The following DENND3 variants were observed in gnomAD, a reference collection of about 807,000 sequenced individuals.
DENND3 encodes DENN domain-containing protein 3.
Under a neutral mutation model 135.1 loss-of-function variants are expected in DENND3, and 88 were observed. The observed-to-expected ratio is 0.65, with a 90% CI of 0.55 to 0.78. The LOEUF is 0.78. Ranked by LOEUF, DENND3 falls within the 30% of genes least tolerant of loss-of-function variation. The probability of loss-of-function intolerance (pLI) is 0.00; values close to 1 mark genes in which losing one functional copy is unlikely to be tolerated. For missense variants in DENND3, 1,392 were observed against 1,688.4 expected, an observed-to-expected ratio of 0.82 and a Z score of 3.08; for synonymous variants, 693 against 712.3, an observed-to-expected ratio of 0.97 and a Z score of 0.43.
intron 19 of DENND3, among the ~76,000 whole-genome samples, chr8:141,189,696 C>T (rs961686003): frequency 2.6e-5 from 4 of 152,196 alleles, no homozygotes; most frequent in African/African-American, 9.6e-5. Context: ...CTCCCCACTC[C>T]TTTTTCCCCT....
chr8:141,158,145 T>A, intron 8 of DENND3: 2 of 1,288,602 alleles, frequency 1.6e-6, no homozygotes, highest in Non-Finnish European at 2.0e-6. Flanking sequence ...CAGGCAAGGC[T>A]GGTTTCTGCT....
At chr8:141,158,831 T>C (rs886282772) in intron 8 of DENND3, among the ~76,000 whole-genome samples, 1 of 152,178 alleles carries the variant, frequency 6.6e-6, no homozygotes, top group East Asian at 1.9e-4. Context: ...CTCAGGGCTA[T>C]GCTGGCTGCG....
intron 11 of DENND3, among the ~76,000 whole-genome samples, chr8:141,165,771 ACTT>A (rs1820710853): frequency 6.6e-6 from 1 of 151,874 alleles, no homozygotes; most frequent in Non-Finnish European, 1.5e-5. Context: ...GCCTGTTTCT[ACTT>A]CTTGAGGGAA....
At chr8:141,150,296 G>A (rs1001349601) in intron 5 of DENND3, 6 of 1,281,188 alleles carry the variant, frequency 4.7e-6, no homozygotes, top group Admixed American at 2.5e-5. Context: ...GTCCAGCCGT[G>A]TCTCAGTAGC....
chr8:141,135,996 G>A (rs1351145413), intron 1 of DENND3, among the ~76,000 whole-genome samples: 2 of 152,198 alleles, frequency 1.3e-5, no homozygotes, highest in Non-Finnish European at 2.9e-5. Flanking sequence ...CCTGGTAAAT[G>A]TGTATGTGTG....
At chr8:141,151,898 A>G in intron 7 of DENND3, 61 bp downstream of exon 7, 8 of 1,585,060 alleles carry the variant, frequency 5.0e-6, no homozygotes, top group Non-Finnish European at 6.0e-6. Flanking sequence ...ACGGGGACAC[A>G]TGGGAAGATG....
rs556353094 is a variant in DENND3 at position 141,194,328 on chromosome 8, G to A, written c.*95G>A. The A allele has an allele frequency of 2.8e-6, 4 of 1,436,078 alleles. No individual in the cohort carries two copies. In the East Asian group the frequency reaches 9.4e-5, roughly 34 times the overall value. 89.0% of individuals were successfully genotyped at this position (1,436,078 alleles called of 1,614,324 possible). On this transcript the variant is annotated 3_prime_UTR_variant, in exon 23 of 23. Transcript: ENST00000519811. The stretch of plus-strand genomic sequence containing the variant: ...GGAGCAGAAGCCTGGAGGGGTGGCA[G>A]GGCAGAGCAGCCCAGGCTCAGCATG...
intron 8 of DENND3, chr8:141,157,841 C>T: frequency 1.1e-6 from 1 of 928,906 alleles, no homozygotes; most frequent in Non-Finnish European, 1.3e-6. Context: ...CTCACTGCAA[C>T]CTCCGCCTTC....
intron 9 of DENND3, among the ~76,000 whole-genome samples, chr8:141,161,856 AGTGAC>A (rs1289220970): frequency 7.0e-6 from 1 of 143,306 alleles, no homozygotes; most frequent in East Asian, 2.0e-4. Flanking sequence ...CCTGGAATGC[AGTGAC>A]GCCATCTGGG....
At chr8:141,170,033 C>T (rs1344914203) in intron 13 of DENND3, among the ~76,000 whole-genome samples, 1 of 152,264 alleles carries the variant, frequency 6.6e-6, no homozygotes, top group Non-Finnish European at 1.5e-5. Context: ...TCCATGCTCC[C>T]AGGCAGCACA....
rs1815808320 is a variant in DENND3, at chr8:141,130,107, A to G, written c.102+1298A>G. ...CCGCTGTGGTCTCCTCAGCCGTTGA[A>G]CGTCTTTCCTCTGGGGCAGTTACAA... On this transcript the variant is annotated intron_variant, in intron 1 of 22. Transcript: ENST00000519811. This position sits in a 1 kb window ranked among gnomAD's most constrained non-coding sequence, Gnocchi z 4.2. 1 of 151,996 alleles carries G rather than the reference A, an allele frequency of 6.6e-6. No homozygotes were observed. The highest frequency in any genetic ancestry group is 1.5e-5 in the Non-Finnish European group (1 of 67,994). 9.4% of individuals were successfully genotyped at this position (151,996 alleles called of 1,614,324 possible). A position where few individuals can be genotyped will look rare whatever the true frequency, so the allele number is the denominator to read the frequency against.
chr8:141,165,869 T>C (rs1036038455), intron 11 of DENND3, among the ~76,000 whole-genome samples: 2 of 152,106 alleles, frequency 1.3e-5, no homozygotes, highest in African/African-American at 2.4e-5. Flanking sequence ...CTCATCTCCT[T>C]TCTCTCTTCC....
Position 141,166,395 on chromosome 8 carries a change from G to A in DENND3, c.1753+6G>A, listed in dbSNP as rs1044811175. The A allele has an allele frequency of 6.2e-7, 1 of 1,609,374 alleles. No individual in the cohort carries two copies. The highest frequency in any genetic ancestry group is 1.1e-5 in the South Asian group (1 of 91,000). On this transcript the variant is annotated splice_donor_region_variant and intron_variant, in intron 12 of 22. Coordinates refer to ENST00000519811, the MANE Select transcript of DENND3 (RefSeq NM_001352890.3). This position sits in a 1 kb window ranked among gnomAD's most constrained non-coding sequence, Gnocchi z 4.3. Reference sequence around the variant, plus strand: ...CTGTAGGGGCAGCAGCGCAGGTGAGGGCTGCCCCCCACTGTGGTGCTGTGT... The same window carrying A: ...CTGTAGGGGCAGCAGCGCAGGTGAGAGCTGCCCCCCACTGTGGTGCTGTGT...
intron 16 of DENND3, 85 bp from the exon 17 acceptor site, chr8:141,180,662 C>T: frequency 8.0e-7 from 1 of 1,243,042 alleles, no homozygotes; most frequent in East Asian, 2.5e-5. Context: ...TGATATTCTG[C>T]AGAAATCAGA....
chr8:141,180,040 G>A (rs1278343059), intron 16 of DENND3, among the ~76,000 whole-genome samples: 3 of 152,166 alleles, frequency 2.0e-5, no homozygotes, highest in African/African-American at 7.2e-5. Context: ...GCAGGAGGCC[G>A]CTTTAGGTTT....
At chr8:141,160,827 C>G in intron 9 of DENND3, 40 bp downstream of exon 9, 1 of 1,583,040 alleles carries the variant, frequency 6.3e-7, no homozygotes, top group South Asian at 1.1e-5. Context: ...GAGGAGGTAA[C>G]CAGCCAGCCA....
chr8:141,160,568 T>C, intron 8 of DENND3, 64 bp from the exon 9 acceptor site: 1 of 1,482,520 alleles, frequency 6.7e-7, no homozygotes, highest in Non-Finnish European at 9.0e-7. Context: ...GTGGGCTGTG[T>C]GCTGGTGAGC....
chr8:141,165,768 T>G (rs1820710493), intron 11 of DENND3, among the ~76,000 whole-genome samples: 1 of 152,154 alleles, frequency 6.6e-6, no homozygotes, highest in African/African-American at 2.4e-5. Flanking sequence ...CTGGCCTGTT[T>G]CTACTTCTTG....
chr8:141,171,072 C>T (rs1441683939), intron 13 of DENND3, among the ~76,000 whole-genome samples: 1 of 152,106 alleles, frequency 6.6e-6, no homozygotes, highest in African/African-American at 2.4e-5. Context: ...CATCAGTGGC[C>T]CTGTTGTCAC....
Sources: allele counts gnomAD v4.1 joint callset (sites outside exome capture counted in the v4.1 genomes callset), GRCh38; gene constraint gnomAD v4.1.1; non-coding constraint Gnocchi (gnomAD v3.1); transcripts MANE v1.5; gene names NCBI Gene and HGNC (gene_info 2026-07-23, HGNC 2026-07-21).